DNER: variants seen among roughly 807,000 people sequenced by gnomAD.
DNER encodes the protein delta and Notch-like epidermal growth factor-related receptor.
A neutral mutation model predicts 78.2 loss-of-function variants in DNER; 33 were observed. That is an observed-to-expected ratio of 0.42 (90% CI 0.32 to 0.56). DNER has a LOEUF of 0.56. DNER is among the 20% of genes least tolerant of loss of function. The pLI is 0.11. For missense variants in DNER, 918 were observed against 975.3 expected (o/e 0.94, Z 0.78); for synonymous variants, 417 against 384.8 (o/e 1.08, Z -0.98).
At chr2:229,367,229 T>C in intron 11 of DNER, 110 bp from the exon 12 acceptor site, 1 of 1,437,564 alleles carries the variant, frequency 7.0e-7, no homozygotes. Flanking sequence ...CATTCAAACT[T>C]GGAAGGCTTA....
chr2:229,653,000 G>A (rs1698847050), intron 1 of DNER, among the ~76,000 whole-genome samples: 1 of 152,154 alleles, frequency 6.6e-6, no homozygotes, highest in Non-Finnish European at 1.5e-5. Context: ...GGAATTTGCT[G>A]TTAGTACTCT....
chr2:229,420,716 A>T lies in DNER; in HGVS notation c.1487-2486T>A, dbSNP rs144794467. On this transcript the variant is annotated intron_variant, in intron 8 of 12. Coordinates refer to ENST00000341772, the MANE Select transcript of DNER (RefSeq NM_139072.4). The stretch of plus-strand genomic sequence containing the variant: ...CATAACAAAATATCACTTCACACCC[A>T]TTAGGATGGCCATTATAAAAAACAA... 5.5e-3 allele frequency among the ~76,000 whole-genome samples: 844 copies of T among 152,312 alleles called. 10 individuals carry two copies. The highest frequency in any genetic ancestry group is 0.019 in the African/African-American group (775 of 41,582).
chr2:229,643,995 G>A (rs1698670718), intron 1 of DNER, among the ~76,000 whole-genome samples: 1 of 152,110 alleles, frequency 6.6e-6, no homozygotes, highest in South Asian at 2.1e-4. Flanking sequence ...GCACCAAGCA[G>A]ACACTCAGCA....
At chr2:229,643,092 C>T (rs1367948797) in intron 1 of DNER, among the ~76,000 whole-genome samples, 2 of 152,072 alleles carry the variant, frequency 1.3e-5, no homozygotes, top group Non-Finnish European at 1.5e-5. Context: ...TAGCATTCAC[C>T]TTTACTCCCA....
chr2:229,507,935 A>G (rs962925069), intron 6 of DNER, among the ~76,000 whole-genome samples: 3 of 152,260 alleles, frequency 2.0e-5, no homozygotes, highest in South Asian at 2.1e-4. Context: ...TGAAGTCAAA[A>G]GACAAGTTAC....
chr2:229,379,691 A>G (rs1031524216), intron 11 of DNER, among the ~76,000 whole-genome samples: 3 of 152,178 alleles, frequency 2.0e-5, no homozygotes, highest in Non-Finnish European at 4.4e-5. Flanking sequence ...CTTTAGAATG[A>G]AAACTGATCC....
intron 11 of DNER, among the ~76,000 whole-genome samples, chr2:229,376,974 A>T (rs554084480): frequency 9.3e-4 from 141 of 152,284 alleles, no homozygotes; most frequent in African/African-American, 3.0e-3. Flanking sequence ...ATCTATTGTT[A>T]AAGGAAGAGG....
At chr2:229,689,683 T>TACC (rs1260745409) in intron 1 of DNER, among the ~76,000 whole-genome samples, 58 of 152,272 alleles carry the variant, frequency 3.8e-4, no homozygotes, top group African/African-American at 1.3e-3. Context: ...GAGGGGCAGA[T>TACC]ACCACCAATG....
chr2:229,539,668 GAC>G (rs1175372179), intron 5 of DNER, among the ~76,000 whole-genome samples: 1 of 152,142 alleles, frequency 6.6e-6, no homozygotes. Flanking sequence ...CCCGTTGATA[GAC>G]AGTTCCTGAG....
intron 1 of DNER, among the ~76,000 whole-genome samples, chr2:229,663,872 G>A (rs1179316628): frequency 6.6e-6 from 1 of 152,136 alleles, no homozygotes; most frequent in Non-Finnish European, 1.5e-5. Context: ...CTGTCCCCCA[G>A]GCTGGAGTGC....
intron 4 of DNER, among the ~76,000 whole-genome samples, chr2:229,564,580 C>T (rs1372057766): frequency 6.7e-6 from 1 of 149,866 alleles, no homozygotes; most frequent in Non-Finnish European, 1.5e-5. Flanking sequence ...AACATCATCA[C>T]CCCATCACCA....
intron 8 of DNER, among the ~76,000 whole-genome samples, chr2:229,437,770 G>C (rs1413412395): frequency 6.6e-6 from 1 of 152,114 alleles, no homozygotes; most frequent in Non-Finnish European, 1.5e-5. Flanking sequence ...AATATGAAAA[G>C]GAAAGAACAT....
intron 7 of DNER, among the ~76,000 whole-genome samples, chr2:229,466,292 G>A (rs1216711244): frequency 6.6e-6 from 1 of 152,052 alleles, no homozygotes; most frequent in Non-Finnish European, 1.5e-5. Context: ...CGGCTCTGCT[G>A]AACTGCATTT....
chr2:229,554,386 C>T (rs1696807696), intron 4 of DNER, among the ~76,000 whole-genome samples: 1 of 152,062 alleles, frequency 6.6e-6, no homozygotes, highest in Non-Finnish European at 1.5e-5. Flanking sequence ...AGTGAAACCT[C>T]GTCCCTACAA....
intron 11 of DNER, among the ~76,000 whole-genome samples, chr2:229,379,384 G>A (rs1692682947): frequency 6.6e-6 from 1 of 152,162 alleles, no homozygotes; most frequent in Admixed American, 6.5e-5. Context: ...GGCTCCCAGA[G>A]GTAAATTTGT....
At chr2:229,402,795 C>T (rs184538973) in intron 10 of DNER, among the ~76,000 whole-genome samples, 9 of 152,264 alleles carry the variant, frequency 5.9e-5, no homozygotes, top group African/African-American at 2.2e-4. Context: ...CCAGATAATT[C>T]CAAGGGGGCA....
intron 1 of DNER, among the ~76,000 whole-genome samples, chr2:229,599,072 A>T (rs1250802771): frequency 6.6e-6 from 1 of 152,140 alleles, no homozygotes; most frequent in Non-Finnish European, 1.5e-5. Context: ...AAAGCCCCAG[A>T]GGAGAACTTA....
intron 5 of DNER, among the ~76,000 whole-genome samples, chr2:229,542,775 C>A (rs1235823526): frequency 3.3e-4 from 29 of 88,236 alleles, no homozygotes; most frequent in African/African-American, 9.8e-4. Context: ...CCCAAGTAGG[C>A]AAAAAAAAAA....
intron 1 of DNER, among the ~76,000 whole-genome samples, chr2:229,683,832 G>T (rs1699429637): frequency 6.6e-6 from 1 of 152,114 alleles, no homozygotes; most frequent in Admixed American, 6.5e-5. Flanking sequence ...AGGGATGGGG[G>T]CTGGGGGCTG....
Sources: gnomAD v4.1 joint callset for allele counts (sites outside exome capture counted in the v4.1 genomes callset) on GRCh38, gnomAD v4.1.1 for gene constraint, MANE v1.5 for transcripts, NCBI Gene and HGNC (gene_info 2026-07-23, HGNC 2026-07-21) for gene names.